The following COBL variants were observed in gnomAD, a reference collection of about 807,000 sequenced individuals.
COBL encodes cordon-bleu WH2 repeat protein, also known as protein cordon-bleu.
COBL carries 51 observed loss-of-function variants against 98.8 expected under a neutral mutation model. The observed-to-expected ratio is 0.52, with a 90% CI of 0.41 to 0.65. The LOEUF (loss-of-function observed/expected upper bound fraction) is 0.65, where lower values mean the gene tolerates loss of function less well. Among genes scored for constraint, COBL ranks in the 30% least tolerant of loss-of-function variants. The pLI is 0.00. For missense variants in COBL, 1,617 were observed against 1,617.5 expected, an observed-to-expected ratio of 1.00 and a Z score of 0.01; for synonymous variants, 634 against 651.7, an observed-to-expected ratio of 0.97 and a Z score of 0.41.
chr7:51,083,908 C>G (rs1344009014), intron 7 of COBL, among the ~76,000 whole-genome samples: 1 of 152,166 alleles, frequency 6.6e-6, no homozygotes, highest in Admixed American at 6.5e-5. Context: ...CAACCACATA[C>G]AGCCATTTAC....
At chr7:51,240,327 A>G (rs1473897517) in intron 1 of COBL, among the ~76,000 whole-genome samples, 1 of 152,230 alleles carries the variant, frequency 6.6e-6, no homozygotes, top group Non-Finnish European at 1.5e-5. Context: ...AAAGTCTCAT[A>G]TCACTGAAGG....
At chr7:51,124,142 G>A (rs1797992103) in intron 6 of COBL, among the ~76,000 whole-genome samples, 3 of 152,176 alleles carry the variant, frequency 2.0e-5, no homozygotes, top group African/African-American at 7.2e-5. Flanking sequence ...GAGTGCCTGG[G>A]ATGCAAGAAG....
At chr7:51,247,994 C>T (rs1796399751) in intron 1 of COBL, among the ~76,000 whole-genome samples, 1 of 151,910 alleles carries the variant, frequency 6.6e-6, no homozygotes, top group Non-Finnish European at 1.5e-5. Context: ...CAAAAGTTAG[C>T]TGGGCATGGT....
At position 51,286,766 on chromosome 7, in the gene COBL, C is replaced by A. The variant is rs114374456; in HGVS notation, c.41+29827G>T. On this transcript the variant is annotated intron_variant, in intron 1 of 12. Coordinates refer to ENST00000265136, the MANE Select transcript of COBL (RefSeq NM_015198.5). Reference sequence around the variant, plus strand: ...GCAATCCCATTACTGGATATATATCCAAAGGAAAAGAAACCATTGTGCCAA... The same window carrying A: ...GCAATCCCATTACTGGATATATATCAAAAGGAAAAGAAACCATTGTGCCAA... 4.7e-3 allele frequency among the ~76,000 whole-genome samples: 720 copies of A among 152,110 alleles called. 3 individuals are homozygous for A. Among genetic ancestry groups the A allele is most frequent in the African/African-American group, 0.016 (669 of 41,506 alleles).
intron 6 of COBL, among the ~76,000 whole-genome samples, chr7:51,110,835 A>G (rs941249444): frequency 1.3e-5 from 2 of 152,192 alleles, no homozygotes; most frequent in African/African-American, 2.4e-5. Flanking sequence ...ATAGTCTCCA[A>G]TCTCATCCAG....
intron 1 of COBL, among the ~76,000 whole-genome samples, chr7:51,258,248 T>C (rs1470202866): frequency 6.6e-6 from 1 of 152,228 alleles, no homozygotes; most frequent in Non-Finnish European, 1.5e-5. Flanking sequence ...CATTTATTTT[T>C]GTGCCATTCT....
chr7:51,197,075 T>C (rs922541674), intron 2 of COBL, among the ~76,000 whole-genome samples: 1 of 152,156 alleles, frequency 6.6e-6, no homozygotes. Flanking sequence ...AGCTTTAGGG[T>C]TGGTTTTCTC....
At chr7:51,162,009 C>A (rs781756791) in intron 5 of COBL, among the ~76,000 whole-genome samples, 1 of 152,156 alleles carries the variant, frequency 6.6e-6, no homozygotes, top group Non-Finnish European at 1.5e-5. Context: ...TTGTCTCATC[C>A]GTTAGCACAG....
chr7:51,195,164 C>A (rs906144784), intron 2 of COBL, among the ~76,000 whole-genome samples: 1 of 152,108 alleles, frequency 6.6e-6, no homozygotes, highest in African/African-American at 2.4e-5. Flanking sequence ...AAATTTAAGT[C>A]TTTAATCCAT....
At chr7:51,260,217 A>G (rs1797595188) in intron 1 of COBL, 1 of 663,586 alleles carries the variant, frequency 1.5e-6, no homozygotes, top group Non-Finnish European at 2.6e-6. Flanking sequence ...CACATGGGGA[A>G]GATGGCACTC....
chr7:51,208,322 C>T (rs999268554), intron 2 of COBL, among the ~76,000 whole-genome samples: 2 of 151,966 alleles, frequency 1.3e-5, no homozygotes, highest in Non-Finnish European at 2.9e-5. Context: ...GGCAGCCACC[C>T]CGTCCAGGAG....
At chr7:51,035,363 T>C (rs1172859255) in intron 8 of COBL, 1 of 120,376 alleles carries the variant, frequency 8.3e-6, no homozygotes, top group Non-Finnish European at 1.6e-5. Flanking sequence ...GCAGAATTAA[T>C]GAAAAAAAAA....
intron 4 of COBL, among the ~76,000 whole-genome samples, chr7:51,190,183 T>C (rs28731421): frequency 0.13 from 19,272 of 152,208 alleles, 1,726 homozygotes; most frequent in African/African-American, 0.25. Context: ...GGAACAGCAG[T>C]TAATGGCAAC....
chr7:51,266,897 T>G (rs1434180473), intron 1 of COBL, among the ~76,000 whole-genome samples: 2 of 152,176 alleles, frequency 1.3e-5, no homozygotes, highest in Non-Finnish European at 2.9e-5. Flanking sequence ...ATGAGTCCCA[T>G]TTTTATATTC....
intron 1 of COBL, among the ~76,000 whole-genome samples, chr7:51,280,804 G>A (rs1799754915): frequency 6.6e-6 from 1 of 152,180 alleles, no homozygotes; most frequent in African/African-American, 2.4e-5. Context: ...GCAGAAACAT[G>A]AGAAGATCTG....
intron 5 of COBL, among the ~76,000 whole-genome samples, chr7:51,170,184 C>T (rs1464670067): frequency 1.3e-5 from 2 of 151,204 alleles, no homozygotes; most frequent in African/African-American, 2.4e-5. Flanking sequence ...ACAATGAAAA[C>T]ATCTACACTT....
At chr7:51,271,193 C>CCAGAAACA (rs1456729911) in intron 1 of COBL, among the ~76,000 whole-genome samples, 2 of 152,172 alleles carry the variant, frequency 1.3e-5, no homozygotes, top group African/African-American at 4.8e-5. Context: ...TGCGTCGTCA[C>CCAGAAACA]CAGAAACACA....
chr7:51,187,327 TATATACAC>T lies in COBL; in HGVS notation c.686-3136_686-3129del, dbSNP rs1295618042. Among the ~76,000 whole-genome samples the T allele has an allele frequency of 7.9e-3, 1,103 of 139,028 alleles. 10 individuals carry two copies. Among genetic ancestry groups the T allele is most frequent in the African/African-American group, 0.031 (1,051 of 34,250 alleles). 91.2% of individuals were successfully genotyped at this position (139,028 alleles called of 152,430 possible). On this transcript the variant is annotated intron_variant, in intron 4 of 12. Coordinates refer to ENST00000265136, the MANE Select transcript of COBL (RefSeq NM_015198.5). ...ATGTTTAAGTATATATATATATATA[TATATACAC>T]ACACACACACACACACACACATATA...
Position 51,098,997 on chromosome 7 carries a change from A to T in COBL, c.958-13693T>A, listed in dbSNP as rs563682901. Among the ~76,000 whole-genome samples the T allele has an allele frequency of 4.6e-5, 7 of 152,290 alleles. No homozygotes were observed. In the East Asian group the frequency reaches 1.4e-3, roughly 29 times the overall value. ...GAAGATATACAAATGGCCACAAAGC[A>T]TATGAAAAGATGCTCAACATCACTA... On this transcript the variant is annotated intron_variant, in intron 6 of 12. Transcript: ENST00000265136.
Sources: allele counts gnomAD v4.1 joint callset (sites outside exome capture counted in the v4.1 genomes callset), GRCh38; gene constraint gnomAD v4.1.1; transcripts MANE v1.5; gene names NCBI Gene and HGNC (gene_info 2026-07-23, HGNC 2026-07-21).